The following SPECC1 variants were observed in gnomAD, a reference collection of about 807,000 sequenced individuals.
SPECC1 encodes sperm antigen with calponin homology and coiled-coil domains 1.
SPECC1 carries 62 observed loss-of-function variants against 104.1 expected under a neutral mutation model. The ratio of observed to expected loss-of-function variants is 0.60; its 90% confidence interval spans 0.49 to 0.74. The LOEUF (loss-of-function observed/expected upper bound fraction) is 0.74. SPECC1 is among the 30% of genes least tolerant of loss of function. SPECC1 has a pLI of 0.00. For missense variants in SPECC1, 1,306 were observed against 1,310.5 expected (o/e 1.00, Z 0.05); for synonymous variants, 513 against 501.6 (o/e 1.02, Z -0.30).
intron 3 of SPECC1, among the ~76,000 whole-genome samples, chr17:20,125,818 C>A (rs2049274554): frequency 6.6e-6 from 1 of 152,182 alleles, no homozygotes; most frequent in Non-Finnish European, 1.5e-5. Context: ...CTGAGGTAAA[C>A]CCAGTTGTGA....
At chr17:20,054,068 C>T (rs936239185) in intron 1 of SPECC1, among the ~76,000 whole-genome samples, 4 of 152,210 alleles carry the variant, frequency 2.6e-5, no homozygotes, top group African/African-American at 9.7e-5. Flanking sequence ...TTTCTAGTCA[C>T]TCTGTCAGTT....
At chr17:20,247,909 A>G (rs2039484049) in intron 9 of SPECC1, among the ~76,000 whole-genome samples, 3 of 152,210 alleles carry the variant, frequency 2.0e-5, no homozygotes, top group South Asian at 4.1e-4. Flanking sequence ...AGAAAGGTCT[A>G]GGCTGCACTG....
Position 20,298,948 on chromosome 17 carries a change from A to AGAGTGTGTGTGTGTGT in SPECC1, c.3057+1872_3057+1873insAGTGTGTGTGTGTGTG. Among the ~76,000 whole-genome samples, 226 of 49,068 alleles carry AGAGTGTGTGTGTGTGT rather than the reference A, an allele frequency of 4.6e-3. 8 individuals carry two copies. The highest frequency in any genetic ancestry group is 0.02 in the African/African-American group (216 of 10,790). The allele number at this position is 49,068 out of a possible 152,430, so 32.2% of individuals were successfully genotyped here. A position where few individuals can be genotyped will look rare whatever the true frequency, so the allele number is the denominator to read the frequency against. On this transcript the variant is annotated intron_variant, in intron 13 of 14. Coordinates refer to ENST00000395527, the MANE Select transcript of SPECC1 (RefSeq NM_001243439.2). ...GAGAGAGAGAGAGAGAGAGAGAGAG[A>AGAGTGTGTGTGTGTGT]GTGTGTGTGTGTGTGTGTGTGTGTA... is the stretch of plus-strand genomic sequence containing the variant.
chr17:20,195,479 C>T lies in SPECC1; in HGVS notation c.284-8854C>T, dbSNP rs115451480. ...AGAAAGCAAAACACCATTTCACATT[C>T]GATTATGCTTCCTGTATGATTTTTA... On this transcript the variant is annotated intron_variant, in intron 3 of 14. Coordinates refer to ENST00000395527, the MANE Select transcript of SPECC1 (RefSeq NM_001243439.2). Among the ~76,000 whole-genome samples the T allele has an allele frequency of 6.6e-3, 1,006 of 152,108 alleles. 10 individuals carry two copies. The highest frequency in any genetic ancestry group is 0.023 in the African/African-American group (953 of 41,476).
intron 2 of SPECC1, among the ~76,000 whole-genome samples, chr17:20,106,043 T>C (rs1489990227): frequency 6.6e-6 from 1 of 152,234 alleles, no homozygotes; most frequent in Non-Finnish European, 1.5e-5. Context: ...TTGCAGATTT[T>C]AGAAATGTCA....
intron 1 of SPECC1, among the ~76,000 whole-genome samples, chr17:20,080,849 A>G (rs1381363112): frequency 6.6e-6 from 1 of 151,950 alleles, no homozygotes; most frequent in African/African-American, 2.4e-5. Flanking sequence ...CATCCTGAGG[A>G]GGGCCAGGCC....
chr17:20,096,444 T>C (rs2047646222), intron 1 of SPECC1, among the ~76,000 whole-genome samples, 187 bp from the exon 2 acceptor site: 1 of 152,054 alleles, frequency 6.6e-6, no homozygotes, highest in African/African-American at 2.4e-5. Context: ...TGTTATGGAG[T>C]TGTAAAAATT....
intron 4 of SPECC1, among the ~76,000 whole-genome samples, chr17:20,215,001 C>T (rs963119469): frequency 3.4e-4 from 52 of 152,216 alleles, no homozygotes; most frequent in African/African-American, 1.2e-3. Flanking sequence ...GAGAAGGGAG[C>T]GTTATCTGCT....
chr17:20,045,224 T>G (rs566969719), intron 1 of SPECC1, among the ~76,000 whole-genome samples: 5 of 152,210 alleles, frequency 3.3e-5, no homozygotes, highest in Non-Finnish European at 7.3e-5. Context: ...CTTGAGTTTG[T>G]TTTCACGTAA....
chr17:20,126,932 C>T (rs1235196193), intron 3 of SPECC1, among the ~76,000 whole-genome samples: 3 of 152,072 alleles, frequency 2.0e-5, no homozygotes, highest in Non-Finnish European at 4.4e-5. Flanking sequence ...CTCTTTTTAC[C>T]CTGGAGTCTC....
At chr17:20,131,319 G>A (rs2049614633) in intron 3 of SPECC1, among the ~76,000 whole-genome samples, 1 of 151,962 alleles carries the variant, frequency 6.6e-6, no homozygotes, top group Admixed American at 6.6e-5. Context: ...AGCCTCCTGA[G>A]TAGGTGGGAT....
At chr17:20,215,135 C>G (rs573126275) in intron 4 of SPECC1, among the ~76,000 whole-genome samples, 5 of 152,238 alleles carry the variant, frequency 3.3e-5, no homozygotes, top group Non-Finnish European at 7.3e-5. Flanking sequence ...GCCGGGGCCT[C>G]GTGCCTGAGG....
At chr17:20,033,776 GGGAACA>G (rs2044930553) in intron 1 of SPECC1, among the ~76,000 whole-genome samples, 1 of 152,108 alleles carries the variant, frequency 6.6e-6, no homozygotes, top group Non-Finnish European at 1.5e-5. Flanking sequence ...TCCAGTACTG[GGGAACA>G]AATTTCAACA....
chr17:20,105,648 G>C (rs776262889), intron 2 of SPECC1, among the ~76,000 whole-genome samples: 11 of 152,126 alleles, frequency 7.2e-5, no homozygotes, highest in Non-Finnish European at 8.8e-5. Context: ...TTTCCCCCCG[G>C]TCACTGCTAC....
chr17:20,241,512 T>C (rs1241436940), intron 7 of SPECC1, among the ~76,000 whole-genome samples: 1 of 152,166 alleles, frequency 6.6e-6, no homozygotes, highest in Non-Finnish European at 1.5e-5. Context: ...TGGAAGGGAA[T>C]TGAGGGAAAG....
chr17:20,059,669 A>G (rs1036046818), intron 1 of SPECC1, among the ~76,000 whole-genome samples: 9 of 152,174 alleles, frequency 5.9e-5, no homozygotes, highest in African/African-American at 2.2e-4. Flanking sequence ...ATGAACATCA[A>G]ACATGAAAGG....
intron 1 of SPECC1, chr17:20,073,623 A>G (rs1488328133): frequency 1.3e-5 from 2 of 152,358 alleles, no homozygotes; most frequent in East Asian, 3.9e-4. Flanking sequence ...CCAGGCCAGC[A>G]CCAAACCCAG....
rs1465271303 is a variant in SPECC1 at position 20,205,092 on chromosome 17, A to G, written c.1043A>G (p.Asn348Ser). Residue 348 changes from asparagine (N) to serine (S), a missense_variant, in exon 4 of 15, where the codon AAC becomes AGC. This residue lies in a region of SPECC1 where 1,177 missense variants were observed against 1,139.9 expected (regional missense o/e 1.03). Coordinates refer to ENST00000395527, the MANE Select transcript of SPECC1 (RefSeq NM_001243439.2). The stretch of plus-strand genomic sequence containing the variant: ...TCAAGGCCCCTGTCCTCCACCAGTA[A>G]CCCCTTTAAGAGTTCAAAGTGTTCT... The part of the protein sequence containing the change: ...TPSRPLSSTS[N>S]PFKSSKCSTA... The G allele has an allele frequency of 1.9e-6, 3 of 1,614,120 alleles. No homozygotes were observed. The highest frequency in any genetic ancestry group is 1.3e-5 in the African/African-American group (1 of 75,036).
intron 1 of SPECC1, among the ~76,000 whole-genome samples, chr17:20,038,599 A>G (rs2045194397): frequency 6.6e-6 from 1 of 151,986 alleles, no homozygotes; most frequent in African/African-American, 2.4e-5. Flanking sequence ...ACGGGGTTTC[A>G]CCATCTTGGC....
Sources: gnomAD v4.1 joint callset for allele counts (sites outside exome capture counted in the v4.1 genomes callset) on GRCh38, gnomAD v4.1.1 for gene constraint, gnomAD v4.1.1 regional missense constraint, MANE v1.5 for transcripts, NCBI Gene and HGNC (gene_info 2026-07-23, HGNC 2026-07-21) for gene names.